The following ATM variants were observed in gnomAD, a reference collection of about 807,000 sequenced individuals.
The protein encoded by ATM is serine-protein kinase ATM.
ATM carries 308 observed loss-of-function variants against 387.0 expected under a neutral mutation model. That is an observed-to-expected ratio of 0.80 (90% CI 0.73 to 0.87). The LOEUF (loss-of-function observed/expected upper bound fraction) is 0.87. Among genes scored for constraint, ATM ranks in the 40% least tolerant of loss-of-function variants. The pLI is 0.00. For synonymous variants in ATM, 1,156 were observed against 1,187.3 expected, an observed-to-expected ratio of 0.97 and a Z score of 0.54; for missense variants, 3,312 against 3,560.9, an observed-to-expected ratio of 0.93 and a Z score of 1.78.
intron 13 of ATM, 27 bp from the exon 14 acceptor site, chr11:108,256,188 A>G: frequency 2.6e-6 from 4 of 1,531,506 alleles, no homozygotes; most frequent in Non-Finnish European, 2.7e-6. Context: ...TGAAATATAT[A>G]TATTTTTATT....
intron 45 of ATM, 91 bp downstream of exon 45, chr11:108,321,511 G>A (rs772705678): frequency 3.9e-5 from 62 of 1,570,032 alleles, no homozygotes; most frequent in Admixed American, 5.0e-5. Flanking sequence ...GGCCGGGCAC[G>A]GTGGCTCATG....
chr11:108,356,466 G>T (rs2089931476), intron 61 of ATM, among the ~76,000 whole-genome samples: 1 of 151,476 alleles, frequency 6.6e-6, no homozygotes, highest in African/African-American at 2.4e-5. Flanking sequence ...AACCCAGGAG[G>T]TGGAGGTTGT....
In ATM at chr11:108,301,800, T is replaced by C. The variant is rs2083448677; in HGVS notation, c.5319+11T>C. 6.2e-7 allele frequency: 1 copy of C among 1,612,830 alleles called. No individual in the cohort carries two copies. ...ACATCAAGAAAAAAGGTCTCTTAAGTAATAAATGTTTATTGAATACCCAGC... is the reference window on the plus strand; with the variant it reads ...ACATCAAGAAAAAAGGTCTCTTAAGCAATAAATGTTTATTGAATACCCAGC... On this transcript the variant is annotated intron_variant, in intron 35 of 62. Coordinates refer to ENST00000675843, the MANE Select transcript of ATM (RefSeq NM_000051.4).
rs760715107 is a variant in ATM, at chr11:108,288,966, A to G, written c.4110-11A>G. ...AAACGATGACTGTATTTTTTCCCTT[A>G]ACTCTGTTAGGGATTTGGATCCTGC... On this transcript the variant is annotated splice_polypyrimidine_tract_variant and intron_variant, in intron 27 of 62. Coordinates refer to ENST00000675843, the MANE Select transcript of ATM (RefSeq NM_000051.4). 1.2e-6 allele frequency: 2 copies of G among 1,613,418 alleles called. No individual in the cohort carries two copies. Among genetic ancestry groups the G allele is most frequent in the Non-Finnish European group, 1.7e-6 (2 of 1,179,622 alleles).
rs563140198 is a variant in ATM at position 108,273,331 on chromosome 11, C to CTTTTTTTTTTTTTTTTTT, written c.3284+489_3284+506dup. 5.6e-4 allele frequency among the ~76,000 whole-genome samples: 45 copies of CTTTTTTTTTTTTTTTTTT among 80,652 alleles called. 9 individuals are homozygous for CTTTTTTTTTTTTTTTTTT. Among genetic ancestry groups the CTTTTTTTTTTTTTTTTTT allele is most frequent in the African/African-American group, 2.3e-3 (41 of 17,512 alleles). The allele number at this position is 80,652 out of a possible 152,430, so 52.9% of individuals were successfully genotyped here. ...GGAATAAACATATATTAATTTCATT[C>CTTTTTTTTTTTTTTTTTT]TTTTTTTTTTTTTTTTTTTTTTTTT... On this transcript the variant is annotated intron_variant, in intron 22 of 62. Coordinates refer to ENST00000675843, the MANE Select transcript of ATM (RefSeq NM_000051.4).
intron 17 of ATM, 56 bp from the exon 18 acceptor site, chr11:108,268,354 C>A (rs1565418849): frequency 1.3e-6 from 2 of 1,509,568 alleles, no homozygotes; most frequent in Non-Finnish European, 1.8e-6. Flanking sequence ...GTTAATATGA[C>A]TATATATGGC....
At chr11:108,267,413 T>C (rs932578411) in intron 17 of ATM, 71 bp downstream of exon 17, 25 of 1,377,404 alleles carry the variant, frequency 1.8e-5, no homozygotes, top group African/African-American at 4.3e-5. Flanking sequence ...AGAGGCCTCA[T>C]TGATATCAAT....
intron 51 of ATM, 119 bp downstream of exon 51, chr11:108,331,676 TGTC>T: frequency 7.3e-7 from 1 of 1,376,140 alleles, no homozygotes; most frequent in South Asian, 1.5e-5. Flanking sequence ...TTGTATTTTT[TGTC>T]TTCTCACATC....
At chr11:108,319,909 G>C in intron 43 of ATM, 45 bp from the exon 44 acceptor site, 1 of 1,358,398 alleles carries the variant, frequency 7.4e-7, no homozygotes, top group Non-Finnish European at 1.1e-6. Context: ...GTATATCTTA[G>C]GGTTCTGTTT....
chr11:108,256,459 A>T, intron 14 of ATM, 119 bp downstream of exon 14: 1 of 997,652 alleles, frequency 1.0e-6, no homozygotes, highest in Non-Finnish European at 1.5e-6. Flanking sequence ...TTTCTCTTTT[A>T]TTTATGTAAT....
chr11:108,268,308 T>C, intron 17 of ATM, 102 bp from the exon 18 acceptor site: 2 of 1,121,628 alleles, frequency 1.8e-6, no homozygotes, highest in Admixed American at 1.9e-5. Flanking sequence ...ATTTTGCTTT[T>C]CATATACTTT....
intron 57 of ATM, among the ~76,000 whole-genome samples, chr11:108,344,450 A>G (rs550549381): frequency 4.5e-4 from 68 of 152,314 alleles, no homozygotes; most frequent in African/African-American, 1.5e-3. Flanking sequence ...TTGTTGGTCA[A>G]AAGATGGAGT....
At chr11:108,250,310 G>A (rs1046831973) in intron 9 of ATM, among the ~76,000 whole-genome samples, 3 of 151,966 alleles carry the variant, frequency 2.0e-5, no homozygotes, top group African/African-American at 7.2e-5. Context: ...GTGCCACCAT[G>A]CCCGGCTAAT....
intron 52 of ATM, 147 bp downstream of exon 52, chr11:108,332,184 T>A: frequency 9.6e-7 from 1 of 1,043,272 alleles, no homozygotes; most frequent in Non-Finnish European, 1.4e-6. Flanking sequence ...TCCCAGCACT[T>A]TGGGAGGCTG....
At chr11:108,251,793 C>T in intron 10 of ATM, 44 bp from the exon 11 acceptor site, 1 of 1,599,508 alleles carries the variant, frequency 6.3e-7, no homozygotes, top group Admixed American at 1.7e-5. Context: ...GTCTTTGCCC[C>T]TCCAATAGCT....
At chr11:108,275,915 G>A (rs904206266) in intron 22 of ATM, among the ~76,000 whole-genome samples, 4 of 152,082 alleles carry the variant, frequency 2.6e-5, no homozygotes, top group Non-Finnish European at 4.4e-5. Flanking sequence ...GGCCTGTCTC[G>A]CTAGATTGGG....
In ATM at chr11:108,333,913, C is replaced by CAATT; in HGVS notation, c.7957_7960dup (p.Thr2654AsnfsTer3). On this transcript the variant is annotated frameshift_variant, in exon 54 of 63. Transcript: ENST00000675843. LOFTEE classifies it high-confidence loss of function. ...GGCATAAATATTCCAGCAGACCAGC[C>CAATT]AATTACTAAACTTAAGAATTTAGAA... 6.2e-7 allele frequency: 1 copy of CAATT among 1,611,028 alleles called. No individual in the cohort carries two copies. Among genetic ancestry groups the CAATT allele is most frequent in the Non-Finnish European group, 8.5e-7 (1 of 1,177,252 alleles).
chr11:108,294,780 AATC>A, intron 31 of ATM, 144 bp from the exon 32 acceptor site: 1 of 834,136 alleles, frequency 1.2e-6, no homozygotes. Context: ...CAGTGGAAGA[AATC>A]ATTTATTTCT....
chr11:108,259,303 C>CA (rs546067594), intron 16 of ATM, among the ~76,000 whole-genome samples: 88 of 152,134 alleles, frequency 5.8e-4, no homozygotes, highest in Non-Finnish European at 1.1e-3. Context: ...TCCTGGCTAA[C>CA]ACGGTGAAAC....
Sources: gnomAD v4.1 joint callset for allele counts (sites outside exome capture counted in the v4.1 genomes callset) on GRCh38, gnomAD v4.1.1 for gene constraint, MANE v1.5 for transcripts, NCBI Gene and HGNC (gene_info 2026-07-23, HGNC 2026-07-21) for gene names.